ZDHHC14: variants seen among roughly 807,000 people sequenced by gnomAD.
ZDHHC14 encodes the protein palmitoyltransferase ZDHHC14.
Under a neutral mutation model 47.7 loss-of-function variants are expected in ZDHHC14, and 16 were observed. The ratio of observed to expected loss-of-function variants is 0.34; its 90% CI spans 0.23 to 0.51. The LOEUF (loss-of-function observed/expected upper bound fraction) is 0.51, where lower values mean the gene tolerates loss of function less well. Ranked by LOEUF, ZDHHC14 falls within the 20% of genes least tolerant of loss-of-function variation. ZDHHC14 has a pLI of 0.97. For synonymous variants in ZDHHC14, 293 were observed against 278.9 expected (o/e 1.05, Z -0.50); for missense variants, 515 against 662.5 (o/e 0.78, Z 2.44).
At chr6:157,638,010 G>T (rs1777065178) in intron 5 of ZDHHC14, among the ~76,000 whole-genome samples, 2 of 152,304 alleles carry the variant, frequency 1.3e-5, no homozygotes, top group East Asian at 3.9e-4. Flanking sequence ...AAGGAACCGA[G>T]TAGCTTCTAC....
In ZDHHC14 at chr6:157,590,872, T is replaced by C. The variant is rs138924972; in HGVS notation, c.407-2116T>C. Among the ~76,000 whole-genome samples the C allele has an allele frequency of 4.1e-4, 62 of 152,358 alleles. No individual in the cohort carries two copies. The East Asian group carries it at 0.011, about 28-fold the overall frequency. On this transcript the variant is annotated intron_variant, in intron 2 of 8. Coordinates refer to ENST00000359775, the MANE Select transcript of ZDHHC14 (RefSeq NM_024630.3). ...AGGGGGGTTGTACCCTGCAAAGTCA[T>C]AGGGCGGAGCTGCCCAAGGCTGTGG...
At chr6:157,517,765 C>T (rs1365854821) in intron 1 of ZDHHC14, among the ~76,000 whole-genome samples, 2 of 152,244 alleles carry the variant, frequency 1.3e-5, no homozygotes, top group Non-Finnish European at 2.9e-5. Context: ...CCCTCACGGC[C>T]GCCTACCATC....
intron 1 of ZDHHC14, among the ~76,000 whole-genome samples, chr6:157,385,940 C>A (rs1028128050): frequency 5.3e-5 from 8 of 152,128 alleles, no homozygotes; most frequent in Admixed American, 3.9e-4. Flanking sequence ...TAATAATAAT[C>A]TACCTTTAAA....
At chr6:157,516,970 T>C (rs1199982981) in intron 1 of ZDHHC14, among the ~76,000 whole-genome samples, 1 of 152,186 alleles carries the variant, frequency 6.6e-6, no homozygotes, top group African/African-American at 2.4e-5. Context: ...CAGAAAGCTC[T>C]AGCAACATGG....
intron 1 of ZDHHC14, among the ~76,000 whole-genome samples, chr6:157,515,989 AC>A (rs1583737798): frequency 6.6e-6 from 1 of 152,148 alleles, no homozygotes; most frequent in Non-Finnish European, 1.5e-5. Context: ...GTGAAATAGA[AC>A]ACTACCAGGA....
chr6:157,488,459 C>G (rs1424789876), intron 1 of ZDHHC14, among the ~76,000 whole-genome samples: 1 of 152,196 alleles, frequency 6.6e-6, no homozygotes, highest in African/African-American at 2.4e-5. Context: ...GTCTGTTTAA[C>G]AGGCACCATC....
intron 1 of ZDHHC14, among the ~76,000 whole-genome samples, chr6:157,474,037 G>A (rs1779421177): frequency 6.8e-6 from 1 of 146,814 alleles, no homozygotes; most frequent in Non-Finnish European, 1.5e-5. Context: ...CGCCCAAGCT[G>A]GAGTGCAATG....
intron 1 of ZDHHC14, among the ~76,000 whole-genome samples, chr6:157,495,530 A>C (rs1780040786): frequency 1.3e-5 from 2 of 152,046 alleles, no homozygotes; most frequent in African/African-American, 4.8e-5. Flanking sequence ...GAAGCAGGAC[A>C]ACAAACCCAG....
intron 1 of ZDHHC14, among the ~76,000 whole-genome samples, chr6:157,417,362 ACTGTT>A (rs1451290909): frequency 1.3e-5 from 2 of 152,110 alleles, no homozygotes; most frequent in Non-Finnish European, 2.9e-5. Context: ...TACTACATAT[ACTGTT>A]CTGTACTCTG....
chr6:157,538,754 G>C (rs1781634723), intron 1 of ZDHHC14, among the ~76,000 whole-genome samples: 1 of 152,188 alleles, frequency 6.6e-6, no homozygotes, highest in African/African-American at 2.4e-5. Flanking sequence ...CTCTACCAAG[G>C]CTTTTCAGGA....
chr6:157,415,822 C>T (rs1407997793), intron 1 of ZDHHC14, among the ~76,000 whole-genome samples: 1 of 150,828 alleles, frequency 6.6e-6, no homozygotes. Context: ...TGCCGTGAGC[C>T]GAGATGGTGC....
chr6:157,543,981 C>A (rs1364690386), intron 2 of ZDHHC14, among the ~76,000 whole-genome samples: 1 of 152,180 alleles, frequency 6.6e-6, no homozygotes, highest in African/African-American at 2.4e-5. Flanking sequence ...CACATCTAAG[C>A]CACCTAGTAA....
At chr6:157,628,258 G>A in intron 3 of ZDHHC14, 91 bp from the exon 4 acceptor site, 1 of 1,242,806 alleles carries the variant, frequency 8.0e-7, no homozygotes. Flanking sequence ...TACTATCAGA[G>A]TATTGGGTGG....
At position 157,509,007 on chromosome 6, in the gene ZDHHC14, C is replaced by T. The variant is rs184600217; in HGVS notation, c.246-33578C>T. ...GAGGACACAAGTTCCCGTTTCTTCC[C>T]GGCTGTTGGCCAGGGGTTAACCTCA... On this transcript the variant is annotated intron_variant, in intron 1 of 8. Transcript: ENST00000359775. 1.7e-3 allele frequency among the ~76,000 whole-genome samples: 256 copies of T among 152,300 alleles called. 1 individual carries two copies. The highest frequency in any genetic ancestry group is 1.2e-3 in the Non-Finnish European group (83 of 68,020).
chr6:157,557,832 G>T (rs142280917), intron 2 of ZDHHC14, among the ~76,000 whole-genome samples: 2,684 of 152,266 alleles, frequency 0.018, 74 homozygotes, highest in African/African-American at 0.06. Context: ...TGTGCAATCC[G>T]GGCAGAGTAC....
At chr6:157,660,548 C>G (rs1188841260) in intron 8 of ZDHHC14, among the ~76,000 whole-genome samples, 3 of 152,132 alleles carry the variant, frequency 2.0e-5, no homozygotes, top group Non-Finnish European at 4.4e-5. Flanking sequence ...CAAGCTGGAA[C>G]CAGCTGACCC....
intron 3 of ZDHHC14, among the ~76,000 whole-genome samples, chr6:157,619,805 A>C (rs1312923317): frequency 6.6e-6 from 1 of 152,172 alleles, no homozygotes; most frequent in Non-Finnish European, 1.5e-5. Context: ...ATTCATGCAG[A>C]TACTAATAAA....
chr6:157,509,324 T>G lies in ZDHHC14; in HGVS notation c.246-33261T>G, dbSNP rs548435636. 2.8e-4 allele frequency among the ~76,000 whole-genome samples: 43 copies of G among 152,278 alleles called. No individual in the cohort carries two copies. The South Asian group carries it at 8.7e-3, about 31-fold the overall frequency. On this transcript the variant is annotated intron_variant, in intron 1 of 8. Coordinates refer to ENST00000359775, the MANE Select transcript of ZDHHC14 (RefSeq NM_024630.3). Reference sequence around the variant, plus strand: ...CACAGCAGCATCCAGATGAGGAGTCTCAGGGAGACCTCTTCAGAATCCTGC... The same window carrying G: ...CACAGCAGCATCCAGATGAGGAGTCGCAGGGAGACCTCTTCAGAATCCTGC...
chr6:157,455,980 G>T lies in ZDHHC14; in HGVS notation c.245+73714G>T, dbSNP rs1778903271. ...AATCTGACTTGTGGGGGAAAGAAGAGAATTATCCTTAGGCCTCAGAGAAAG... is the reference window on the plus strand; with the variant it reads ...AATCTGACTTGTGGGGGAAAGAAGATAATTATCCTTAGGCCTCAGAGAAAG... On this transcript the variant is annotated intron_variant, in intron 1 of 8. Coordinates refer to ENST00000359775, the MANE Select transcript of ZDHHC14 (RefSeq NM_024630.3). Among the ~76,000 whole-genome samples, 6 of 152,318 alleles carry T rather than the reference G, an allele frequency of 3.9e-5. No homozygotes were observed. The South Asian group carries it at 1.2e-3, about 32-fold the overall frequency.
Sources: allele counts gnomAD v4.1 joint callset (sites outside exome capture counted in the v4.1 genomes callset), GRCh38; gene constraint gnomAD v4.1.1; transcripts MANE v1.5; gene names NCBI Gene and HGNC (gene_info 2026-07-23, HGNC 2026-07-21).